Variants in OR1J2 observed in about 807,000 individuals in gnomAD.
The protein encoded by OR1J2 is olfactory receptor 1J2.
For missense variants in OR1J2, 304 were observed against 246.1 expected (o/e 1.24, Z -1.57); for synonymous variants, 142 against 99.7 (o/e 1.42, Z -2.52).
chr9:122,552,069 T>TCA, the OR1J2 span, among the ~76,000 whole-genome samples: 2 of 112,368 alleles, frequency 1.8e-5, no homozygotes, highest in Non-Finnish European at 4.2e-5. Context: ...TCTCTCTCTC[T>TCA]CTCTCTCTCT....
At chr9:122,460,771 A>G in the OR1J2 span, among the ~76,000 whole-genome samples, 1 of 152,064 alleles carries the variant, frequency 6.6e-6, no homozygotes, top group East Asian at 1.9e-4. Flanking sequence ...TGTGCCATCT[A>G]TGATTTCTTT....
the OR1J2 span, chr9:122,568,004 G>C: frequency 1.2e-6 from 2 of 1,614,106 alleles, no homozygotes; most frequent in Non-Finnish European, 1.7e-6. Flanking sequence ...GTGTGTGCAG[G>C]AGTGAGTGGA....
the OR1J2 span, among the ~76,000 whole-genome samples, chr9:122,453,338 A>C: frequency 6.6e-6 from 1 of 152,182 alleles, no homozygotes; most frequent in Admixed American, 6.5e-5. Context: ...GTTTCCTGGG[A>C]GAGAACTCCC....
the OR1J2 span, among the ~76,000 whole-genome samples, chr9:122,469,546 G>A: frequency 1.3e-5 from 2 of 152,162 alleles, no homozygotes; most frequent in African/African-American, 4.8e-5. Flanking sequence ...GACTAATACA[G>A]TACATTGGTA....
the OR1J2 span, among the ~76,000 whole-genome samples, chr9:122,566,310 A>G: frequency 6.6e-6 from 1 of 152,218 alleles, no homozygotes; most frequent in Non-Finnish European, 1.5e-5. Flanking sequence ...TTCCATTGGC[A>G]ATAAATGTTT....
chr9:122,526,971 A>G, the OR1J2 span: 1 of 1,614,138 alleles, frequency 6.2e-7, no homozygotes, highest in African/African-American at 1.3e-5. Context: ...GAAGCTGTCT[A>G]GATCACCAAA....
the OR1J2 span, among the ~76,000 whole-genome samples, chr9:122,482,826 G>A: frequency 3.3e-5 from 5 of 152,148 alleles, no homozygotes; most frequent in East Asian, 7.7e-4. Flanking sequence ...CAAAAAAGCA[G>A]AGAGTAGAAT....
upstream of OR1J2, among the ~76,000 whole-genome samples, chr9:122,506,124 G>A (rs565275070): frequency 6.6e-6 from 1 of 152,200 alleles, no homozygotes; most frequent in East Asian, 1.9e-4. Context: ...GAGCCCAGCA[G>A]TCATATGGAT....
chr9:122,479,434 C>T, the OR1J2 span, among the ~76,000 whole-genome samples: 5 of 152,186 alleles, frequency 3.3e-5, no homozygotes, highest in Non-Finnish European at 7.3e-5. Context: ...TATATGACAT[C>T]AGATGCTGTA....
chr9:122,466,907 C>T, the OR1J2 span, among the ~76,000 whole-genome samples: 95,849 of 151,838 alleles, frequency 0.63, 30,619 homozygotes, highest in Middle Eastern at 0.73. Context: ...CAACCTCTGC[C>T]TCCTGGGTTC....
the OR1J2 span, among the ~76,000 whole-genome samples, chr9:122,461,223 CAT>C: frequency 7.2e-5 from 11 of 152,180 alleles, no homozygotes; most frequent in Admixed American, 2.6e-4. Flanking sequence ...AGCTTTGCCC[CAT>C]TCCGTGTAAT....
the OR1J2 span, among the ~76,000 whole-genome samples, chr9:122,498,492 ATTTC>A: frequency 2.6e-5 from 4 of 152,118 alleles, no homozygotes; most frequent in African/African-American, 7.2e-5. Context: ...ACTCCGACTG[ATTTC>A]TTTCTAAGGG....
chr9:122,477,230 C>T, the OR1J2 span: 3 of 1,614,020 alleles, frequency 1.9e-6, no homozygotes, highest in Non-Finnish European at 2.5e-6. Context: ...TTGCATATGC[C>T]CTTGGTAGAG....
chr9:122,545,807 A>G, the OR1J2 span, among the ~76,000 whole-genome samples: 2 of 152,248 alleles, frequency 1.3e-5, no homozygotes, highest in East Asian at 3.9e-4. Context: ...TGTTTATGTC[A>G]CTACTATTTG....
downstream of OR1J2, among the ~76,000 whole-genome samples, chr9:122,516,540 T>C (rs188510083): frequency 9.3e-3 from 1,417 of 152,116 alleles, 21 homozygotes; most frequent in African/African-American, 0.033. Flanking sequence ...CCTGACCTCG[T>C]GATCCGCCCG....
At chr9:122,546,836 A>G in the OR1J2 span, among the ~76,000 whole-genome samples, 1 of 152,214 alleles carries the variant, frequency 6.6e-6, no homozygotes. Flanking sequence ...TAATGGACAA[A>G]TAATAATTGT....
At chr9:122,482,272 C>T in the OR1J2 span, among the ~76,000 whole-genome samples, 1 of 152,022 alleles carries the variant, frequency 6.6e-6, no homozygotes, top group African/African-American at 2.4e-5. Flanking sequence ...TGGAAAACCA[C>T]TTATATAACT....
At chr9:122,499,654 G>A in the OR1J2 span, among the ~76,000 whole-genome samples, 4 of 152,356 alleles carry the variant, frequency 2.6e-5, no homozygotes, top group Middle Eastern at 3.4e-3. Flanking sequence ...GGGTCAGGCT[G>A]CTGATCCAGG....
chr9:122,467,426 A>G, the OR1J2 span, among the ~76,000 whole-genome samples: 58 of 152,276 alleles, frequency 3.8e-4, no homozygotes, highest in Non-Finnish European at 2.4e-4. Context: ...TTAGAATTTG[A>G]TAAACTAAAC....
Sources: gnomAD v4.1 joint callset for allele counts (sites outside exome capture counted in the v4.1 genomes callset) on GRCh38, gnomAD v4.1.1 for gene constraint, MANE v1.5 for transcripts, NCBI Gene and HGNC (gene_info 2026-07-23, HGNC 2026-07-21) for gene names.